The following DNAJC10 variants were observed in gnomAD, a reference collection of about 807,000 sequenced individuals.
DNAJC10 encodes the protein DnaJ heat shock protein family (Hsp40) member C10, also known as endoplasmic reticulum disulfide reductase DNAJC10.
A neutral mutation model predicts 115.0 loss-of-function variants in DNAJC10; 101 were observed. That is an observed-to-expected ratio of 0.88 (90% CI 0.75 to 1.04). DNAJC10 has a LOEUF of 1.04. Among genes scored for constraint, DNAJC10 ranks in the 50% least tolerant of loss-of-function variants. The pLI is 0.00. For synonymous variants in DNAJC10, 307 were observed against 301.5 expected, an observed-to-expected ratio of 1.02 and a Z score of -0.19; for missense variants, 981 against 928.8, an observed-to-expected ratio of 1.06 and a Z score of -0.73.
At chr2:182,754,021 T>C (rs372933157) in intron 16 of DNAJC10, among the ~76,000 whole-genome samples, 16 of 152,186 alleles carry the variant, frequency 1.1e-4, no homozygotes, top group African/African-American at 2.7e-4. Context: ...CACTCACCAA[T>C]TGGTTGACTT....
rs1257278476 is a variant in DNAJC10, at chr2:182,731,045, C to T, written c.743C>T (p.Ser248Phe). Residue 248 changes from serine (S) to phenylalanine (F), a missense_variant, in exon 9 of 24, where the codon TCC (serine) becomes TTC (phenylalanine). By Grantham distance (155) the Ser-to-Phe change is radical. Coordinates refer to ENST00000264065, the MANE Select transcript of DNAJC10 (RefSeq NM_018981.4). The part of the protein sequence containing the change: ...TELWTGNFVN[S>F]IQTAFAAGIG... ...TATTTTTAAGGAAATTTTGTCAACT[C>T]CATACAAACTGCTTTTGCTGCTGGT... 2 of 1,612,404 alleles carry T rather than the reference C, an allele frequency of 1.2e-6. No homozygotes were observed. Among genetic ancestry groups the T allele is most frequent in the Non-Finnish European group, 8.5e-7 (1 of 1,179,212 alleles).
At position 182,736,241 on chromosome 2, in the gene DNAJC10, C is replaced by T. The variant is rs750479371; in HGVS notation, c.850-8C>T. 30 of 1,550,560 alleles carry T rather than the reference C, an allele frequency of 1.9e-5. No individual in the cohort carries two copies. The highest frequency in any genetic ancestry group is 2.6e-5 in the Non-Finnish European group (30 of 1,157,850). ...TACAACATGGTTTGTTGTTTCTTTC[C>T]ATTTTAGGATGGTCTTGTTAATGTA... On this transcript the variant is annotated splice_region_variant and splice_polypyrimidine_tract_variant and intron_variant, in intron 10 of 23. Coordinates refer to ENST00000264065, the MANE Select transcript of DNAJC10 (RefSeq NM_018981.4).
intron 14 of DNAJC10, among the ~76,000 whole-genome samples, chr2:182,747,322 A>T (rs1434358704): frequency 1.3e-5 from 2 of 152,206 alleles, no homozygotes; most frequent in African/African-American, 4.8e-5. Flanking sequence ...TACCTTGGGC[A>T]GTATGGCCAT....
Position 182,757,665 on chromosome 2 carries a change from GGAGGTAATC to G in DNAJC10, c.1810-26_1810-18del. ...ATTGCAAACATATGTAAAAAGTTATGGAGGTAATCTGTTTTTTCTTTTACAGACATTAAC... is the reference window on the plus strand; with the variant it reads ...ATTGCAAACATATGTAAAAAGTTATGTGTTTTTTCTTTTACAGACATTAAC... On this transcript the variant is annotated intron_variant, in intron 18 of 23. Transcript: ENST00000264065. 6.8e-7 allele frequency: 1 copy of G among 1,466,190 alleles called. No homozygotes were observed. Among genetic ancestry groups the G allele is most frequent in the Admixed American group, 2.5e-5 (1 of 40,304 alleles). 90.8% of individuals were successfully genotyped at this position (1,466,190 alleles called of 1,614,324 possible).
intron 11 of DNAJC10, among the ~76,000 whole-genome samples, chr2:182,739,252 C>T (rs1043453015): frequency 2.8e-5 from 4 of 143,790 alleles, no homozygotes; most frequent in African/African-American, 1.0e-4. Flanking sequence ...ATATATATCT[C>T]ATATATATAT....
Position 182,788,375 on chromosome 2 carries a change from A to T in DNAJC10, c.*11243A>T. 1 of 196,318 alleles carries T rather than the reference A, an allele frequency of 5.1e-6. No individual in the cohort carries two copies. Among genetic ancestry groups the T allele is most frequent in the Non-Finnish European group, 1.0e-5 (1 of 97,228 alleles). 12.2% of individuals were successfully genotyped at this position (196,318 alleles called of 1,614,324 possible). Reference sequence around the variant, plus strand: ...ACATAGCGAGGATGAAAATTCACCAAACGAGCTCTTATACTTTGGTTACCT... The same window carrying T: ...ACATAGCGAGGATGAAAATTCACCATACGAGCTCTTATACTTTGGTTACCT... On this transcript the variant is annotated 3_prime_UTR_variant, in exon 24 of 24. Coordinates refer to ENST00000264065, the MANE Select transcript of DNAJC10 (RefSeq NM_018981.4).
At chr2:182,746,445 A>G (rs1693868782) in intron 14 of DNAJC10, among the ~76,000 whole-genome samples, 1 of 152,050 alleles carries the variant, frequency 6.6e-6, no homozygotes, top group Admixed American at 6.5e-5. Context: ...GTGAGATGGT[A>G]TCTCATTGTC....
At position 182,785,073 on chromosome 2, in the gene DNAJC10, T is replaced by C. The variant is rs1694922252; in HGVS notation, c.*7941T>C. The stretch of plus-strand genomic sequence containing the variant: ...GTTAAAAGTATTTCGCATCCAAAAG[T>C]TTGTAATCTAGTGTAATAAATAGGA... On this transcript the variant is annotated 3_prime_UTR_variant, in exon 24 of 24. Transcript: ENST00000264065. The C allele has an allele frequency of 6.6e-6, 1 of 152,184 alleles. No homozygotes were observed. Among genetic ancestry groups the C allele is most frequent in the African/African-American group, 2.4e-5 (1 of 41,444 alleles). The allele number at this position is 152,184 out of a possible 1,614,324, so 9.4% of individuals were successfully genotyped here. A position where few individuals can be genotyped will look rare whatever the true frequency, so the allele number is the denominator to read the frequency against.
In DNAJC10 at chr2:182,793,439, G is replaced by A. The variant is rs1160206008; in HGVS notation, c.*16307G>A. On this transcript the variant is annotated 3_prime_UTR_variant, in exon 24 of 24. Transcript: ENST00000264065. ...AAAATATATTTAACATTTTATTTGAGTGAAGAACAATTCATCCATCAGGCA... is the reference window on the plus strand; with the variant it reads ...AAAATATATTTAACATTTTATTTGAATGAAGAACAATTCATCCATCAGGCA... 6.6e-6 allele frequency: 1 copy of A among 152,188 alleles called. No individual in the cohort carries two copies. The highest frequency in any genetic ancestry group is 2.4e-5 in the African/African-American group (1 of 41,438). The allele number at this position is 152,188 out of a possible 1,614,324, so 9.4% of individuals were successfully genotyped here.
intron 22 of DNAJC10, among the ~76,000 whole-genome samples, chr2:182,774,726 A>G (rs1264132420): frequency 1.3e-5 from 2 of 152,184 alleles, no homozygotes; most frequent in African/African-American, 4.8e-5. Flanking sequence ...TTTGGGCGAG[A>G]GTGTCCCGTT....
At chr2:182,775,071 CTTTTT>C (rs5836849) in intron 22 of DNAJC10, among the ~76,000 whole-genome samples, 4 of 129,384 alleles carry the variant, frequency 3.1e-5, no homozygotes, top group Non-Finnish European at 3.3e-5. Flanking sequence ...GTCAGTGATG[CTTTTT>C]TTTTTTTTTT....
At chr2:182,740,498 TA>T in intron 12 of DNAJC10, 110 bp downstream of exon 12, 5 of 1,078,580 alleles carry the variant, frequency 4.6e-6, no homozygotes, top group Non-Finnish European at 5.1e-6. Flanking sequence ...GAATTGAAAG[TA>T]GCAGTTTCAA....
chr2:182,727,931 G>A (rs992921393), intron 5 of DNAJC10, among the ~76,000 whole-genome samples: 1 of 152,090 alleles, frequency 6.6e-6, no homozygotes, highest in African/African-American at 2.4e-5. Flanking sequence ...ATTATATGTT[G>A]TTCAAATCTG....
intron 19 of DNAJC10, 32 bp from the exon 20 acceptor site, chr2:182,758,805 C>G: frequency 6.7e-7 from 1 of 1,485,754 alleles, no homozygotes; most frequent in Non-Finnish European, 9.4e-7. Context: ...ATAGAGAATC[C>G]TATTTACAAC....
At chr2:182,741,883 G>A (rs539984528) in intron 13 of DNAJC10, among the ~76,000 whole-genome samples, 201 of 151,808 alleles carry the variant, frequency 1.3e-3, no homozygotes, top group Middle Eastern at 0.01. Flanking sequence ...ACATACACGT[G>A]TAAATTTATA....
At position 182,778,677 on chromosome 2, in the gene DNAJC10, A is replaced by G. The variant is rs1370920778; in HGVS notation, c.*1545A>G. The G allele has an allele frequency of 6.6e-6, 1 of 152,178 alleles. No individual in the cohort carries two copies. Among genetic ancestry groups the G allele is most frequent in the Non-Finnish European group, 1.5e-5 (1 of 68,034 alleles). 9.4% of individuals were successfully genotyped at this position (152,178 alleles called of 1,614,324 possible). ...ATTCTCCCATCTTTTTCGCTACTATATACTCTGTCTGGATTCTGCTGTATG... is the reference window on the plus strand; with the variant it reads ...ATTCTCCCATCTTTTTCGCTACTATGTACTCTGTCTGGATTCTGCTGTATG... On this transcript the variant is annotated 3_prime_UTR_variant, in exon 24 of 24. Transcript: ENST00000264065.
chr2:182,746,173 T>A (rs1196966462), intron 14 of DNAJC10, among the ~76,000 whole-genome samples: 1 of 152,220 alleles, frequency 6.6e-6, no homozygotes, highest in Non-Finnish European at 1.5e-5. Flanking sequence ...TCTTTGCTAT[T>A]GTGAATAATG....
chr2:182,769,045 A>G (rs1460234689), intron 22 of DNAJC10, among the ~76,000 whole-genome samples: 2 of 152,074 alleles, frequency 1.3e-5, no homozygotes, highest in East Asian at 3.9e-4. Context: ...CTCATTGTTC[A>G]ATTCCCACCT....
At chr2:182,721,247 G>A (rs1693143594) in intron 4 of DNAJC10, among the ~76,000 whole-genome samples, 2 of 151,882 alleles carry the variant, frequency 1.3e-5, no homozygotes, top group African/African-American at 4.8e-5. Context: ...TTTCAAAATA[G>A]TATTTTCAAG....
Sources: gnomAD v4.1 joint callset for allele counts (sites outside exome capture counted in the v4.1 genomes callset) on GRCh38, gnomAD v4.1.1 for gene constraint, MANE v1.5 for transcripts, NCBI Gene and HGNC (gene_info 2026-07-23, HGNC 2026-07-21) for gene names.